The following PRKAR1B variants were observed in gnomAD, a reference collection of about 807,000 sequenced individuals.
The protein encoded by PRKAR1B is protein kinase cAMP-dependent type I regulatory subunit beta, also known as cAMP-dependent protein kinase type I-beta regulatory subunit.
In PRKAR1B, 22 loss-of-function variants were observed where a neutral mutation model predicts 46.5. The ratio of observed to expected loss-of-function variants is 0.47; its 90% CI spans 0.34 to 0.68. PRKAR1B has a LOEUF of 0.68. Among genes scored for constraint, PRKAR1B ranks in the 30% least tolerant of loss-of-function variants. PRKAR1B has a pLI of 0.01. For synonymous variants in PRKAR1B, 259 were observed against 217.7 expected, an observed-to-expected ratio of 1.19 and a Z score of -1.67; for missense variants, 445 against 535.6, an observed-to-expected ratio of 0.83 and a Z score of 1.67.
chr7:697,093 C>T (rs1488780934), intron 2 of PRKAR1B: 1 of 152,236 alleles, frequency 6.6e-6, no homozygotes, highest in Non-Finnish European at 1.5e-5. Context: ...AAGCCATCTT[C>T]GTAACAACAC....
intron 4 of PRKAR1B, among the ~76,000 whole-genome samples, chr7:610,606 CACAA>C (rs1782426017): frequency 6.6e-6 from 1 of 152,210 alleles, no homozygotes; most frequent in African/African-American, 2.4e-5. Context: ...AAGGCCTGAA[CACAA>C]ACGTCTCCAG....
chr7:611,101 A>G (rs1017172667), intron 4 of PRKAR1B, among the ~76,000 whole-genome samples: 1 of 152,202 alleles, frequency 6.6e-6, no homozygotes, highest in Non-Finnish European at 1.5e-5. Flanking sequence ...CAGTTTCCAG[A>G]TAAGGAAACA....
intron 1 of PRKAR1B, among the ~76,000 whole-genome samples, chr7:713,614 C>G (rs1780768699): frequency 6.6e-6 from 1 of 152,140 alleles, no homozygotes; most frequent in Non-Finnish European, 1.5e-5. Context: ...CCATGCTCAC[C>G]TGGTCCACAC....
intron 9 of PRKAR1B, among the ~76,000 whole-genome samples, chr7:577,775 G>C (rs1330867515): frequency 6.6e-6 from 1 of 152,226 alleles, no homozygotes; most frequent in East Asian, 1.9e-4. Context: ...AGCCCACGAG[G>C]GTTCTTGACT....
At chr7:556,539 T>C (rs1778451109) in intron 9 of PRKAR1B, among the ~76,000 whole-genome samples, 1 of 152,178 alleles carries the variant, frequency 6.6e-6, no homozygotes, top group Non-Finnish European at 1.5e-5. Flanking sequence ...TTTTGGAATT[T>C]GTATTCTTAG....
At chr7:581,616 C>T (rs1332822951) in intron 8 of PRKAR1B, among the ~76,000 whole-genome samples, 1 of 152,166 alleles carries the variant, frequency 6.6e-6, no homozygotes, top group Admixed American at 6.5e-5. Flanking sequence ...ACATTTGAAA[C>T]CTGTAGTATT....
chr7:562,592 C>T (rs541145611), intron 9 of PRKAR1B, among the ~76,000 whole-genome samples: 3 of 152,220 alleles, frequency 2.0e-5, no homozygotes, highest in East Asian at 3.9e-4. Flanking sequence ...GGCCAAGCCC[C>T]GGCCTCCAGG....
intron 4 of PRKAR1B, among the ~76,000 whole-genome samples, chr7:671,974 A>ACACCATCT (rs1786279326): frequency 6.6e-6 from 1 of 152,168 alleles, no homozygotes; most frequent in East Asian, 1.9e-4. Context: ...CCTTCACCAC[A>ACACCATCT]CACCATCTCT....
chr7:607,329 T>G lies in PRKAR1B; in HGVS notation c.502+62A>C, dbSNP rs1782148166. 5.3e-6 allele frequency: 8 copies of G among 1,507,904 alleles called. No individual in the cohort carries two copies. The South Asian group carries it at 8.0e-5, about 15-fold the overall frequency. 93.4% of individuals were successfully genotyped at this position (1,507,904 alleles called of 1,614,324 possible). A position where few individuals can be genotyped will look rare whatever the true frequency, so the allele number is the denominator to read the frequency against. ...GTGCCTGCCCTTATGCTATTTTTTT[T>G]TTAAGTGCATAGTCCATTTTTCCCC... On this transcript the variant is annotated intron_variant, in intron 5 of 10. Transcript: ENST00000537384.
chr7:643,975 C>G (rs1190524997), intron 4 of PRKAR1B, among the ~76,000 whole-genome samples: 2 of 152,174 alleles, frequency 1.3e-5, no homozygotes, highest in Non-Finnish European at 1.5e-5. Context: ...GACAAGCCAT[C>G]CACACTGTGC....
At chr7:657,274 T>C (rs1362278139) in intron 4 of PRKAR1B, among the ~76,000 whole-genome samples, 6 of 149,416 alleles carry the variant, frequency 4.0e-5, no homozygotes, top group Non-Finnish European at 6.0e-5. Context: ...GACGGATGGA[T>C]GGATGGATGG....
At chr7:671,764 G>C (rs1177283852) in intron 4 of PRKAR1B, among the ~76,000 whole-genome samples, 1 of 152,168 alleles carries the variant, frequency 6.6e-6, no homozygotes, top group Non-Finnish European at 1.5e-5. Flanking sequence ...ACCCCCACAG[G>C]CAGCAGGTTC....
chr7:552,395 GCCA>G (rs1398333407), intron 9 of PRKAR1B, among the ~76,000 whole-genome samples: 1 of 106,878 alleles, frequency 9.4e-6, no homozygotes, highest in African/African-American at 3.8e-5. Context: ...CTTCTCCAGA[GCCA>G]CTGCCACCAC....
chr7:628,704 A>G, intron 4 of PRKAR1B, among the ~76,000 whole-genome samples: 1 of 152,208 alleles, frequency 6.6e-6, no homozygotes, highest in Non-Finnish European at 1.5e-5. Flanking sequence ...GGTGCACTGC[A>G]GGGCAACCCC....
intron 4 of PRKAR1B, among the ~76,000 whole-genome samples, chr7:643,458 C>G (rs1025896260): frequency 6.6e-6 from 1 of 151,688 alleles, no homozygotes; most frequent in African/African-American, 2.4e-5. Flanking sequence ...CACAGTGGCT[C>G]ATGCCTGTAA....
chr7:673,045 TAA>T (rs992683667), intron 4 of PRKAR1B, among the ~76,000 whole-genome samples: 1,604 of 25,770 alleles, frequency 0.062, 28 homozygotes, highest in South Asian at 0.08. Flanking sequence ...GCCTTGTCTT[TAA>T]AAAAAAAAAA....
intron 4 of PRKAR1B, among the ~76,000 whole-genome samples, chr7:612,281 T>TGGATGGAC (rs1782559503): frequency 7.2e-6 from 1 of 138,808 alleles, no homozygotes; most frequent in South Asian, 2.4e-4. Context: ...GATGGATGGA[T>TGGATGGAC]AGATGGATGG....
At chr7:553,195 A>C (rs570974120) in intron 9 of PRKAR1B, among the ~76,000 whole-genome samples, 1 of 152,328 alleles carries the variant, frequency 6.6e-6, no homozygotes, top group Non-Finnish European at 1.5e-5. Flanking sequence ...TCCCGCTGAC[A>C]CTAGAGCCGC....
chr7:658,021 A>G (rs912769047), intron 4 of PRKAR1B, among the ~76,000 whole-genome samples: 6 of 152,278 alleles, frequency 3.9e-5, no homozygotes, highest in African/African-American at 1.4e-4. Context: ...AGCAAGGCCC[A>G]CGTCAGAAAC....
Sources: gnomAD v4.1 joint callset for allele counts (sites outside exome capture counted in the v4.1 genomes callset) on GRCh38, gnomAD v4.1.1 for gene constraint, MANE v1.5 for transcripts, NCBI Gene and HGNC (gene_info 2026-07-23, HGNC 2026-07-21) for gene names.